Variants in IL7R observed in about 807,000 individuals in gnomAD.
IL7R encodes interleukin-7 receptor subunit alpha.
In IL7R, 38 loss-of-function variants were observed where a neutral mutation model predicts 47.0. The ratio of observed to expected loss-of-function variants is 0.81; its 90% CI spans 0.62 to 1.06. IL7R has a LOEUF of 1.06. IL7R is among the 50% of genes least tolerant of loss of function. IL7R has a pLI of 0.00. For missense variants in IL7R, 633 were observed against 534.8 expected (o/e 1.18, Z -1.81); for synonymous variants, 221 against 199.8 (o/e 1.11, Z -0.89).
At position 35,867,369 on chromosome 5, in the gene IL7R, G is replaced by C; in HGVS notation, c.285G>C (p.Glu95Asp). 6.2e-7 allele frequency: 1 copy of C among 1,613,402 alleles called. No individual in the cohort carries two copies. The change falls in exon 3 of 8, where the codon GAG becomes GAC. Residue 95 changes from glutamate (E) to aspartate (D), a missense_variant. Transcript: ENST00000303115. Reference protein sequence around the residue: ...FRKLQEIYFIETKKFLLIGKS... With the variant: ...FRKLQEIYFIDTKKFLLIGKS... ...AACTACAAGAGATATATTTCATCGA[G>C]ACAAAGAAATTCTTACTGATTGGAA...
Position 35,870,295 on chromosome 5 carries a change from C to T in IL7R, c.380-761C>T, listed in dbSNP as rs546108218. On this transcript the variant is annotated intron_variant, in intron 3 of 7. Coordinates refer to ENST00000303115, the MANE Select transcript of IL7R (RefSeq NM_002185.5). ...GGAGCATTTGATACTAACAGCAACC[C>T]TGCAAGGCAGGAAGGCAGTAGGGAG... Among the ~76,000 whole-genome samples, 71 of 152,332 alleles carry T rather than the reference C, an allele frequency of 4.7e-4. 1 individual carries two copies. The highest frequency in any genetic ancestry group is 3.4e-3 in the Middle Eastern group (1 of 294).
rs758929850 is a variant in IL7R, at chr5:35,873,655, A to C, written c.706+7A>C. On this transcript the variant is annotated splice_region_variant and intron_variant, in intron 5 of 7. Coordinates refer to ENST00000303115, the MANE Select transcript of IL7R (RefSeq NM_002185.5). The stretch of plus-strand genomic sequence containing the variant: ...GAGATCAATAATAGCTCAGGTAAGG[A>C]ATGGTGGTAGAGTTTTTGTTCCCTC... The C allele has an allele frequency of 6.2e-7, 1 of 1,613,366 alleles. No homozygotes were observed. The highest frequency in any genetic ancestry group is 8.5e-7 in the Non-Finnish European group (1 of 1,179,292).
chr5:35,857,262 A>T (rs1759675521), intron 1 of IL7R, among the ~76,000 whole-genome samples: 1 of 152,124 alleles, frequency 6.6e-6, no homozygotes, highest in African/African-American at 2.4e-5. Context: ...ATAAGACCTC[A>T]GTATTCTCAA....
intron 2 of IL7R, among the ~76,000 whole-genome samples, chr5:35,865,906 G>T (rs1759927540): frequency 6.6e-6 from 1 of 152,236 alleles, no homozygotes; most frequent in Non-Finnish European, 1.5e-5. Context: ...GTGTTTATTT[G>T]TTTCTCTTGT....
At chr5:35,875,863 A>G in intron 7 of IL7R, 120 bp from the exon 8 acceptor site, 1 of 1,118,666 alleles carries the variant, frequency 8.9e-7, no homozygotes, top group Non-Finnish European at 1.3e-6. Flanking sequence ...ATTGAGGAAC[A>G]TGCTGGCAAT....
chr5:35,864,745 C>G (rs1219556401), intron 2 of IL7R, among the ~76,000 whole-genome samples: 1 of 151,906 alleles, frequency 6.6e-6, no homozygotes, highest in African/African-American at 2.4e-5. Context: ...CATCTATTTT[C>G]TATTCTGAAG....
At chr5:35,865,872 C>T (rs1482083492) in intron 2 of IL7R, among the ~76,000 whole-genome samples, 3 of 152,120 alleles carry the variant, frequency 2.0e-5, no homozygotes, top group Non-Finnish European at 4.4e-5. Context: ...CATCAATGGC[C>T]ATCAGAGAAA....
intron 2 of IL7R, among the ~76,000 whole-genome samples, chr5:35,865,109 C>G (rs7701111): frequency 0.69 from 104,342 of 152,014 alleles, 36,560 homozygotes; most frequent in African/African-American, 0.8. Flanking sequence ...ATCCCTCCCC[C>G]CTCCTTCCAC....
At position 35,876,462 on chromosome 5, in the gene IL7R, G is replaced by A. The variant is rs774263590; in HGVS notation, c.1356G>A (p.Met452Ile). The A allele has an allele frequency of 6.2e-7, 1 of 1,604,232 alleles. No individual in the cohort carries two copies. Among genetic ancestry groups the A allele is most frequent in the Non-Finnish European group, 8.5e-7 (1 of 1,179,950 alleles). The part of the protein sequence containing the change: ...GSNQEEAYVT[M>I]SSFYQNQ The stretch of plus-strand genomic sequence containing the variant: ...ATCAAGAAGAAGCATATGTCACCAT[G>A]TCCAGCTTCTACCAAAACCAGTGAA... The change falls in exon 8 of 8, where the codon ATG becomes ATA. Residue 452 changes from methionine (M) to isoleucine (I), a missense_variant. Physicochemically the swap from Met to Ile is conservative, Grantham distance 10. Coordinates refer to ENST00000303115, the MANE Select transcript of IL7R (RefSeq NM_002185.5).
intron 3 of IL7R, among the ~76,000 whole-genome samples, chr5:35,867,878 G>A (rs2149899492): frequency 6.7e-6 from 1 of 149,424 alleles, no homozygotes; most frequent in South Asian, 2.1e-4. Flanking sequence ...ATTTTAAAAA[G>A]CATATATGCC....
At chr5:35,857,181 C>T (rs533497587) in intron 1 of IL7R, 122 bp downstream of exon 1, 9 of 724,632 alleles carry the variant, frequency 1.2e-5, no homozygotes, top group East Asian at 4.9e-5. Flanking sequence ...GAATTTCCCA[C>T]ATATTCAGTC....
At chr5:35,873,175 T>C (rs963373227) in intron 4 of IL7R, 3 of 398,056 alleles carry the variant, frequency 7.5e-6, no homozygotes, top group Non-Finnish European at 1.4e-5. Flanking sequence ...TGTGAAAGGA[T>C]AGAGAGAAAA....
At chr5:35,859,148 A>C (rs1759735595) in intron 1 of IL7R, among the ~76,000 whole-genome samples, 1 of 152,168 alleles carries the variant, frequency 6.6e-6, no homozygotes. Flanking sequence ...ACAGTGTATA[A>C]ATGGCTCATT....
chr5:35,865,292 TC>T (rs1275092173), intron 2 of IL7R, among the ~76,000 whole-genome samples: 1 of 152,212 alleles, frequency 6.6e-6, no homozygotes, highest in African/African-American at 2.4e-5. Flanking sequence ...CATGAACTCA[TC>T]CTTTTTTATG....
chr5:35,865,228 T>G (rs986817935), intron 2 of IL7R, among the ~76,000 whole-genome samples: 3 of 152,164 alleles, frequency 2.0e-5, no homozygotes, highest in African/African-American at 7.2e-5. Flanking sequence ...TTTGTCCTTG[T>G]GATAGTTTGC....
chr5:35,857,107 T>C (rs781225752), intron 1 of IL7R, 48 bp downstream of exon 1: 2 of 1,168,508 alleles, frequency 1.7e-6, no homozygotes, highest in Non-Finnish European at 2.6e-6. Context: ...ATCTGTAGCA[T>C]GGTTTCAGGT....
chr5:35,857,780 A>T (rs1759696211), intron 1 of IL7R, among the ~76,000 whole-genome samples: 1 of 152,160 alleles, frequency 6.6e-6, no homozygotes, highest in African/African-American at 2.4e-5. Flanking sequence ...ACACATTGTA[A>T]TTATAACAAA....
intron 4 of IL7R, among the ~76,000 whole-genome samples, chr5:35,871,414 CTGCTCTAATTT>C (rs2149902094): frequency 6.6e-6 from 1 of 152,234 alleles, no homozygotes; most frequent in African/African-American, 2.4e-5. Context: ...TTGTTTTCTT[CTGCTCTAATTT>C]TGGTCTTCAG....
chr5:35,862,648 C>T (rs1024977585), intron 2 of IL7R, among the ~76,000 whole-genome samples: 2 of 152,064 alleles, frequency 1.3e-5, no homozygotes, highest in Admixed American at 1.3e-4. Context: ...GACAGCCATA[C>T]GGTCATCCTT....
Sources: allele counts gnomAD v4.1 joint callset (sites outside exome capture counted in the v4.1 genomes callset), GRCh38; gene constraint gnomAD v4.1.1; transcripts MANE v1.5; gene names NCBI Gene and HGNC (gene_info 2026-07-23, HGNC 2026-07-21).